TRHDE: variants seen among roughly 807,000 people sequenced by gnomAD.
TRHDE encodes the protein thyrotropin-releasing hormone-degrading ectoenzyme.
A neutral mutation model predicts 125.7 loss-of-function variants in TRHDE; 72 were observed. The ratio of observed to expected loss-of-function variants is 0.57; its 90% CI spans 0.47 to 0.70. The LOEUF (loss-of-function observed/expected upper bound fraction) is 0.70. Among genes scored for constraint, TRHDE ranks in the 30% least tolerant of loss-of-function variants. TRHDE has a pLI of 0.00. For synonymous variants in TRHDE, 509 were observed against 509.1 expected, an observed-to-expected ratio of 1.00 and a Z score of 0.00; for missense variants, 1,110 against 1,327.1, an observed-to-expected ratio of 0.84 and a Z score of 2.54.
At position 72,667,877 on chromosome 12, in the gene TRHDE, G is replaced by T. The variant is rs1234844362; in HGVS notation, c.*4682G>T. On this transcript the variant is annotated 3_prime_UTR_variant, in exon 19 of 19. Transcript: ENST00000261180. ...AACAATTTAGTAGTATTAGTAAGTT[G>T]CAGGAATACTTTAATCTACTTACGA... 1 of 151,688 alleles carries T rather than the reference G, an allele frequency of 6.6e-6. No homozygotes were observed. Among genetic ancestry groups the T allele is most frequent in the African/African-American group, 2.4e-5 (1 of 41,390 alleles). The allele number at this position is 151,688 out of a possible 1,614,324, so 9.4% of individuals were successfully genotyped here. A position where few individuals can be genotyped will look rare whatever the true frequency, so the allele number is the denominator to read the frequency against.
intron 7 of TRHDE, among the ~76,000 whole-genome samples, chr12:72,557,268 A>G (rs560050869): frequency 2.0e-5 from 3 of 152,314 alleles, no homozygotes; most frequent in Non-Finnish European, 2.9e-5. Context: ...TCACATCTGA[A>G]TATGATGCTT....
intron 2 of TRHDE, among the ~76,000 whole-genome samples, chr12:72,346,138 A>G (rs1870318698): frequency 6.6e-6 from 1 of 151,930 alleles, no homozygotes; most frequent in Non-Finnish European, 1.5e-5. Flanking sequence ...ATCATTCTCC[A>G]CTGCTATTTT....
intron 2 of TRHDE, among the ~76,000 whole-genome samples, chr12:72,148,564 A>G (rs968809372): frequency 6.6e-6 from 1 of 152,220 alleles, no homozygotes; most frequent in African/African-American, 2.4e-5. Context: ...CAAGGAAATT[A>G]ATTTATATAC....
In TRHDE at chr12:72,575,388, G is replaced by A. The variant is rs759761198; in HGVS notation, c.2265G>A (p.Glu755=). The change falls in exon 11 of 19, where the codon GAG becomes GAA. Residue 755 remains glutamate, a splice_region_variant and synonymous_variant. Coordinates refer to ENST00000261180, the MANE Select transcript of TRHDE (RefSeq NM_013381.3). ...LLIDQLIRNH[E]VLSVSNRAGL... ...TTGATCAATTAATCCGGAATCATGA[G>A]GTACACTCCAGATTTGCTTATCAAA... is the stretch of plus-strand genomic sequence containing the variant. 6.2e-7 allele frequency: 1 copy of A among 1,613,514 alleles called. No individual in the cohort carries two copies. The highest frequency in any genetic ancestry group is 8.5e-7 in the Non-Finnish European group (1 of 1,179,688).
intron 2 of TRHDE, among the ~76,000 whole-genome samples, chr12:72,154,990 T>C (rs952969652): frequency 6.6e-6 from 1 of 152,218 alleles, no homozygotes; most frequent in African/African-American, 2.4e-5. Context: ...GAAGAGTGTT[T>C]TCTAACTTGG....
intron 12 of TRHDE, among the ~76,000 whole-genome samples, chr12:72,597,931 A>C (rs545303998): frequency 6.6e-6 from 1 of 151,498 alleles, no homozygotes; most frequent in East Asian, 1.9e-4. Context: ...AGGAAAGGAA[A>C]ACTGTTGCAA....
intron 2 of TRHDE, among the ~76,000 whole-genome samples, chr12:72,236,244 G>A (rs1878335079): frequency 6.6e-6 from 1 of 152,166 alleles, no homozygotes; most frequent in African/African-American, 2.4e-5. Flanking sequence ...TCAAGGCAGA[G>A]TTGCAGCTAT....
At chr12:72,452,140 A>G (rs1250406097) in intron 3 of TRHDE, among the ~76,000 whole-genome samples, 2 of 151,720 alleles carry the variant, frequency 1.3e-5, no homozygotes, top group Non-Finnish European at 2.9e-5. Flanking sequence ...AGGGTTTTAT[A>G]GTTTTCATCA....
chr12:72,113,219 A>G (rs1333454600), intron 2 of TRHDE, among the ~76,000 whole-genome samples: 1 of 151,632 alleles, frequency 6.6e-6, no homozygotes, highest in Non-Finnish European at 1.5e-5. Context: ...GGGTTTTGCC[A>G]TGTTGCCCAG....
chr12:72,518,450 A>G (rs541986662), intron 6 of TRHDE, among the ~76,000 whole-genome samples: 29 of 151,976 alleles, frequency 1.9e-4, no homozygotes, highest in Admixed American at 1.9e-3. Context: ...CTGTTTTATC[A>G]GAGACTAGGA....
chr12:72,478,355 G>A (rs1289883688), intron 5 of TRHDE, among the ~76,000 whole-genome samples: 2 of 152,090 alleles, frequency 1.3e-5, no homozygotes, highest in East Asian at 3.9e-4. Flanking sequence ...CTTTGAAATG[G>A]ACCTCTTCTC....
intron 2 of TRHDE, among the ~76,000 whole-genome samples, chr12:72,359,180 G>GA (rs1205454285): frequency 8.6e-4 from 98 of 113,682 alleles, no homozygotes; most frequent in Admixed American, 2.1e-3. Context: ...CAGATCACAA[G>GA]AAAAAAAAAC....
intron 15 of TRHDE, among the ~76,000 whole-genome samples, chr12:72,637,046 T>G (rs1379531856): frequency 6.6e-6 from 1 of 152,212 alleles, no homozygotes; most frequent in East Asian, 1.9e-4. Context: ...TTCCCTCTTT[T>G]TCTATTGATT....
chr12:72,169,392 T>TA (rs968027253), intron 2 of TRHDE, among the ~76,000 whole-genome samples: 14 of 152,202 alleles, frequency 9.2e-5, no homozygotes, highest in African/African-American at 3.4e-4. Flanking sequence ...CTAAGTGGCT[T>TA]AAACAACAGG....
At chr12:72,347,956 T>C (rs1001910960) in intron 2 of TRHDE, among the ~76,000 whole-genome samples, 6 of 152,112 alleles carry the variant, frequency 3.9e-5, no homozygotes, top group African/African-American at 4.8e-5. Flanking sequence ...CAGGGGGACA[T>C]CACTGGGGGC....
rs1491194136 is a variant in TRHDE, at chr12:72,525,600, T to TG, written c.1723-16691_1723-16690insG. ...TAGACTTCTCATGTTTTGTGTGTGG[T>TG]TTGTGTGTGTGTGTGTGTGTGTGTG... On this transcript the variant is annotated intron_variant, in intron 6 of 18. Coordinates refer to ENST00000261180, the MANE Select transcript of TRHDE (RefSeq NM_013381.3). Among the ~76,000 whole-genome samples, 95 of 76,942 alleles carry TG rather than the reference T, an allele frequency of 1.2e-3. 1 individual carries two copies. The highest frequency in any genetic ancestry group is 3.4e-3 in the African/African-American group (81 of 23,662). The allele number at this position is 76,942 out of a possible 152,430, so 50.5% of individuals were successfully genotyped here.
intron 12 of TRHDE, among the ~76,000 whole-genome samples, chr12:72,576,640 A>G (rs1042494437): frequency 6.6e-6 from 1 of 152,078 alleles, no homozygotes; most frequent in African/African-American, 2.4e-5. Context: ...AAAGGAAAAA[A>G]TTTCAGGTGC....
intron 12 of TRHDE, among the ~76,000 whole-genome samples, chr12:72,605,310 A>G (rs896117642): frequency 1.3e-5 from 2 of 152,160 alleles, no homozygotes; most frequent in African/African-American, 4.8e-5. Context: ...TGTAGGTTCA[A>G]ATTTTAAAAT....
At chr12:72,579,239 G>T (rs1871136221) in intron 12 of TRHDE, among the ~76,000 whole-genome samples, 1 of 151,896 alleles carries the variant, frequency 6.6e-6, no homozygotes, top group African/African-American at 2.4e-5. Flanking sequence ...CATCAACCAT[G>T]TGTGAGCGGG....
Sources: allele counts gnomAD v4.1 joint callset (sites outside exome capture counted in the v4.1 genomes callset), GRCh38; gene constraint gnomAD v4.1.1; transcripts MANE v1.5; gene names NCBI Gene and HGNC (gene_info 2026-07-23, HGNC 2026-07-21).